Variants in SLC4A4 observed in about 807,000 individuals in gnomAD.
SLC4A4 encodes the protein electrogenic sodium bicarbonate cotransporter 1.
Under a neutral mutation model 111.5 loss-of-function variants are expected in SLC4A4, and 27 were observed. That is an observed-to-expected ratio of 0.24 (90% CI 0.18 to 0.33). The LOEUF (loss-of-function observed/expected upper bound fraction) is 0.33, where lower values mean the gene tolerates loss of function less well. Among genes scored for constraint, SLC4A4 ranks in the 10% least tolerant of loss-of-function variants. The pLI is 1.00. For missense variants in SLC4A4, 909 were observed against 1,315.5 expected, an observed-to-expected ratio of 0.69 and a Z score of 4.78; for synonymous variants, 443 against 463.4, an observed-to-expected ratio of 0.96 and a Z score of 0.57.
chr4:71,531,412 T>G (rs548501458), intron 16 of SLC4A4, among the ~76,000 whole-genome samples: 1 of 152,116 alleles, frequency 6.6e-6, no homozygotes, highest in East Asian at 1.9e-4. Flanking sequence ...TAACCTGGAT[T>G]GAGAAATATT....
intron 7 of SLC4A4, among the ~76,000 whole-genome samples, chr4:71,409,527 C>A (rs1013793334): frequency 5.3e-5 from 8 of 152,150 alleles, no homozygotes; most frequent in Non-Finnish European, 1.0e-4. Flanking sequence ...AGGTATCTGG[C>A]AGAAGAAATT....
At chr4:71,396,504 C>T (rs914427295) in intron 6 of SLC4A4, among the ~76,000 whole-genome samples, 2 of 152,198 alleles carry the variant, frequency 1.3e-5, no homozygotes, top group Admixed American at 6.5e-5. Flanking sequence ...GTTAGAACTT[C>T]GGTGCTTCTT....
At chr4:71,162,867 C>T (rs1026247051) in intron 2 of SLC4A4, among the ~76,000 whole-genome samples, 1 of 152,128 alleles carries the variant, frequency 6.6e-6, no homozygotes, top group Non-Finnish European at 1.5e-5. Context: ...ATTTCTTTTT[C>T]GCCTGCTCTA....
intron 8 of SLC4A4, among the ~76,000 whole-genome samples, chr4:71,441,781 A>AT (rs1313992010): frequency 6.6e-6 from 1 of 152,194 alleles, no homozygotes; most frequent in African/African-American, 2.4e-5. Context: ...TCATACAGGT[A>AT]TTTTTTAAAC....
At chr4:71,330,399 G>T (rs1727872784) in intron 3 of SLC4A4, among the ~76,000 whole-genome samples, 1 of 152,006 alleles carries the variant, frequency 6.6e-6, no homozygotes, top group Admixed American at 6.6e-5. Context: ...TAGACCAATG[G>T]AACAGAACAG....
intron 14 of SLC4A4, among the ~76,000 whole-genome samples, chr4:71,474,802 A>G (rs13127327): frequency 0.14 from 21,959 of 151,934 alleles, 1,925 homozygotes; most frequent in South Asian, 0.31. Context: ...GTTCAGCTGT[A>G]TACTGATTTG....
intron 22 of SLC4A4, 139 bp from the exon 23 acceptor site, chr4:71,559,954 C>T (rs533936507): frequency 2.0e-4 from 137 of 689,606 alleles, no homozygotes; most frequent in African/African-American, 1.6e-3. Context: ...TAAGTCCATA[C>T]CGTCAAGATC....
At chr4:71,474,010 G>A (rs538348886) in intron 14 of SLC4A4, among the ~76,000 whole-genome samples, 5 of 151,526 alleles carry the variant, frequency 3.3e-5, no homozygotes, top group South Asian at 2.1e-4. Context: ...AGACCAGTCC[G>A]GGCAACATTA....
chr4:71,215,966 G>T (rs892932006), intron 1 of SLC4A4, among the ~76,000 whole-genome samples: 2 of 148,770 alleles, frequency 1.3e-5, no homozygotes, highest in South Asian at 4.3e-4. Flanking sequence ...GTGCAGTGGC[G>T]TGATCTTGGC....
chr4:71,561,723 G>A (rs960568601), intron 23 of SLC4A4, among the ~76,000 whole-genome samples: 8 of 151,654 alleles, frequency 5.3e-5, no homozygotes, highest in South Asian at 2.1e-4. Flanking sequence ...AGACTAAGAC[G>A]TAATAGTCCG....
chr4:71,139,945 T>C (rs2148965756), intron 2 of SLC4A4, among the ~76,000 whole-genome samples: 1 of 151,938 alleles, frequency 6.6e-6, no homozygotes, highest in East Asian at 1.9e-4. Flanking sequence ...TAGAACTTAA[T>C]CCTTCTATCT....
chr4:71,082,646 T>C (rs1290254508), intron 1 of SLC4A4, among the ~76,000 whole-genome samples: 1 of 152,078 alleles, frequency 6.6e-6, no homozygotes, highest in East Asian at 1.9e-4. Context: ...AACAATACCA[T>C]GTAGCCACCA....
intron 7 of SLC4A4, among the ~76,000 whole-genome samples, chr4:71,405,800 A>G (rs984645428): frequency 6.6e-6 from 1 of 152,192 alleles, no homozygotes; most frequent in Non-Finnish European, 1.5e-5. Flanking sequence ...AGTATCTAGC[A>G]TTTGCCTCCC....
intron 3 of SLC4A4, among the ~76,000 whole-genome samples, chr4:71,321,141 GCCCACATA>G (rs1395549419): frequency 6.6e-6 from 1 of 151,948 alleles, no homozygotes; most frequent in Admixed American, 6.6e-5. Context: ...TCCTTAGCCA[GCCCACATA>G]CCCACTCTAA....
intron 2 of SLC4A4, among the ~76,000 whole-genome samples, chr4:71,144,767 A>G (rs1744116848): frequency 6.6e-6 from 1 of 152,138 alleles, no homozygotes; most frequent in South Asian, 2.1e-4. Context: ...TCGGTGTATA[A>G]GAATGCTTGT....
intron 18 of SLC4A4, among the ~76,000 whole-genome samples, chr4:71,540,920 G>A (rs576301941): frequency 6.2e-4 from 94 of 152,234 alleles, no homozygotes; most frequent in African/African-American, 2.2e-3. Flanking sequence ...TTGAGATGAG[G>A]TCAAAGTTAA....
At chr4:71,286,040 C>T (rs1018739242) in intron 3 of SLC4A4, among the ~76,000 whole-genome samples, 17 of 152,170 alleles carry the variant, frequency 1.1e-4, no homozygotes, top group African/African-American at 3.9e-4. Context: ...AGATCGAGAC[C>T]GTTCTGGCTA....
At chr4:71,272,986 G>T (rs1722802316) in intron 3 of SLC4A4, among the ~76,000 whole-genome samples, 1 of 152,210 alleles carries the variant, frequency 6.6e-6, no homozygotes, top group South Asian at 2.1e-4. Flanking sequence ...TTATGTGAAA[G>T]ATGTCACTCC....
chr4:71,472,509 T>A (rs566918446), intron 13 of SLC4A4, among the ~76,000 whole-genome samples, 190 bp from the exon 14 acceptor site: 55 of 152,122 alleles, frequency 3.6e-4, no homozygotes, highest in African/African-American at 1.3e-3. Flanking sequence ...CTTTTATTGC[T>A]ATTTTAAAAA....
Sources: gnomAD v4.1 joint callset for allele counts (sites outside exome capture counted in the v4.1 genomes callset) on GRCh38, gnomAD v4.1.1 for gene constraint, MANE v1.5 for transcripts, NCBI Gene and HGNC (gene_info 2026-07-23, HGNC 2026-07-21) for gene names.